Variants in ENTREP2 observed in about 807,000 individuals in gnomAD.
ENTREP2 encodes protein ENTREP2.
At chr15:29,356,068 G>C in the ENTREP2 span, among the ~76,000 whole-genome samples, 1 of 151,810 alleles carries the variant, frequency 6.6e-6, no homozygotes. Flanking sequence ...TGGTCACCCA[G>C]GGACTTACAT....
the ENTREP2 span, among the ~76,000 whole-genome samples, chr15:29,476,237 G>A: frequency 6.6e-6 from 1 of 152,150 alleles, no homozygotes. Flanking sequence ...GTTCAATAGC[G>A]TGGAAAAGCA....
At chr15:29,516,728 G>A in the ENTREP2 span, among the ~76,000 whole-genome samples, 1 of 152,092 alleles carries the variant, frequency 6.6e-6, no homozygotes, top group Non-Finnish European at 1.5e-5. Context: ...GAACACAAGT[G>A]TGTTGTCATA....
chr15:29,399,000 C>T, the ENTREP2 span, among the ~76,000 whole-genome samples: 2 of 152,134 alleles, frequency 1.3e-5, no homozygotes, highest in Admixed American at 6.5e-5. Flanking sequence ...GGTTCTGGGC[C>T]CTTGGTGAAG....
the ENTREP2 span, among the ~76,000 whole-genome samples, chr15:29,436,330 T>A: frequency 6.6e-6 from 1 of 152,198 alleles, no homozygotes; most frequent in Non-Finnish European, 1.5e-5. Context: ...AGGAAGCGCC[T>A]CTACTCACCC....
the ENTREP2 span, among the ~76,000 whole-genome samples, chr15:29,402,648 T>C: frequency 6.6e-6 from 1 of 152,106 alleles, no homozygotes; most frequent in Non-Finnish European, 1.5e-5. Context: ...ACGTTCACAC[T>C]AAGTGAAAGA....
the ENTREP2 span, among the ~76,000 whole-genome samples, chr15:29,661,444 C>T: frequency 6.6e-6 from 1 of 152,132 alleles, no homozygotes; most frequent in African/African-American, 2.4e-5. Flanking sequence ...CGTGATCTGC[C>T]CGCCTCGGCC....
chr15:29,364,167 C>A, the ENTREP2 span, among the ~76,000 whole-genome samples: 2 of 152,130 alleles, frequency 1.3e-5, no homozygotes, highest in African/African-American at 4.8e-5. Flanking sequence ...CTACGTCTTA[C>A]GTTGTACTGC....
the ENTREP2 span, among the ~76,000 whole-genome samples, chr15:29,339,307 A>G: frequency 1.3e-5 from 2 of 152,348 alleles, no homozygotes; most frequent in African/African-American, 4.8e-5. Flanking sequence ...GAAGGGGGTC[A>G]AATAAGGGAG....
chr15:29,644,928 G>A, the ENTREP2 span, among the ~76,000 whole-genome samples: 4 of 152,140 alleles, frequency 2.6e-5, no homozygotes, highest in Admixed American at 6.5e-5. Flanking sequence ...ATTGGGATCA[G>A]CCAGGCATGG....
chr15:29,628,126 C>T, the ENTREP2 span, among the ~76,000 whole-genome samples: 20 of 152,364 alleles, frequency 1.3e-4, no homozygotes, highest in Non-Finnish European at 2.5e-4. Context: ...AATTTCTTCA[C>T]ATCCTCACCA....
chr15:29,318,067 G>C, the ENTREP2 span, among the ~76,000 whole-genome samples: 15 of 152,122 alleles, frequency 9.9e-5, no homozygotes, highest in Non-Finnish European at 1.9e-4. Flanking sequence ...TTTCCAGAGA[G>C]CTCTTCATAT....
chr15:29,432,187 A>G, the ENTREP2 span, among the ~76,000 whole-genome samples: 1 of 152,184 alleles, frequency 6.6e-6, no homozygotes, highest in Non-Finnish European at 1.5e-5. Context: ...CACTTCAGAC[A>G]ATGCCTGTTC....
At chr15:29,179,331 T>C in the ENTREP2 span, among the ~76,000 whole-genome samples, 2 of 152,240 alleles carry the variant, frequency 1.3e-5, no homozygotes, top group African/African-American at 4.8e-5. Flanking sequence ...GCAAATTCCT[T>C]TTTTTCTGCA....
At chr15:29,467,857 G>C in the ENTREP2 span, among the ~76,000 whole-genome samples, 1 of 152,082 alleles carries the variant, frequency 6.6e-6, no homozygotes, top group South Asian at 2.1e-4. Context: ...GCCTAACTTG[G>C]GGTACCCACA....
the ENTREP2 span, among the ~76,000 whole-genome samples, chr15:29,130,502 G>A: frequency 1.4e-4 from 22 of 152,226 alleles, no homozygotes; most frequent in South Asian, 8.3e-4. Context: ...GATCGTAGAC[G>A]GGTGGTTAAC....
At chr15:29,478,019 A>ATATATTTTTTT in the ENTREP2 span, among the ~76,000 whole-genome samples, 1 of 54,286 alleles carries the variant, frequency 1.8e-5, no homozygotes, top group Non-Finnish European at 3.0e-5. Flanking sequence ...ATATATATAT[A>ATATATTTTTTT]TTTTTTTTTT....
chr15:29,495,078 A>G, the ENTREP2 span, among the ~76,000 whole-genome samples: 1 of 152,164 alleles, frequency 6.6e-6, no homozygotes, highest in Non-Finnish European at 1.5e-5. Flanking sequence ...GAATTGTTGG[A>G]TCATATGGTT....
the ENTREP2 span, among the ~76,000 whole-genome samples, chr15:29,410,930 C>T: frequency 6.6e-6 from 1 of 152,124 alleles, no homozygotes; most frequent in African/African-American, 2.4e-5. Context: ...GGATTACAGG[C>T]GTGCGCCACC....
At chr15:29,555,965 G>T in the ENTREP2 span, among the ~76,000 whole-genome samples, 1 of 152,208 alleles carries the variant, frequency 6.6e-6, no homozygotes, top group African/African-American at 2.4e-5. Flanking sequence ...CGAAGAAGGG[G>T]AATTCCTGGC....
Sources: allele counts gnomAD v4.1 joint callset (sites outside exome capture counted in the v4.1 genomes callset), GRCh38; gene constraint gnomAD v4.1.1; transcripts MANE v1.5; gene names NCBI Gene and HGNC (gene_info 2026-07-23, HGNC 2026-07-21).